PLXNA2: variants seen among roughly 807,000 people sequenced by gnomAD.
The protein encoded by PLXNA2 is plexin A2.
Under a neutral mutation model 193.5 loss-of-function variants are expected in PLXNA2, and 91 were observed. The ratio of observed to expected loss-of-function variants is 0.47; its 90% confidence interval spans 0.40 to 0.56. PLXNA2 has a LOEUF of 0.56. Ranked by LOEUF, PLXNA2 falls within the 20% of genes least tolerant of loss-of-function variation. PLXNA2 has a pLI of 0.00. For synonymous variants in PLXNA2, 997 were observed against 1,027.3 expected (o/e 0.97, Z 0.56); for missense variants, 1,995 against 2,503.2 (o/e 0.80, Z 4.33).
At chr1:208,205,439 G>A (rs1394751330) in intron 3 of PLXNA2, among the ~76,000 whole-genome samples, 1 of 152,098 alleles carries the variant, frequency 6.6e-6, no homozygotes, top group African/African-American at 2.4e-5. Flanking sequence ...GCCTTGCCCT[G>A]TCTGTGCCAA....
At position 208,096,899 on chromosome 1, in the gene PLXNA2, A is replaced by T. The variant is rs3818517; in HGVS notation, c.1732-16T>A. On this transcript the variant is annotated splice_polypyrimidine_tract_variant and intron_variant, in intron 6 of 31. Coordinates refer to ENST00000367033, the MANE Select transcript of PLXNA2 (RefSeq NM_025179.4). ...CCAGGCTAAGCTGTGGGAGGAGCAA[A>T]GAGATGATGCCAAAGAAATGCCTCA... is the stretch of plus-strand genomic sequence containing the variant. The T allele has an allele frequency of 1.3e-4, 201 of 1,607,732 alleles. No individual in the cohort carries two copies. The highest frequency in any genetic ancestry group is 1.7e-4 in the Middle Eastern group (1 of 6,018).
intron 16 of PLXNA2, 49 bp from the exon 17 acceptor site, chr1:208,051,151 G>A (rs559422653): frequency 1.3e-6 from 2 of 1,594,962 alleles, no homozygotes; most frequent in African/African-American, 1.3e-5. Flanking sequence ...CTCAAATCTG[G>A]CATGGTGAAC....
chr1:208,157,871 T>C (rs2102509045), intron 3 of PLXNA2, among the ~76,000 whole-genome samples: 2 of 152,328 alleles, frequency 1.3e-5, no homozygotes, highest in African/African-American at 4.8e-5. Context: ...ATTCTTCTCA[T>C]AGGAGAGAAG....
At chr1:208,129,632 G>C (rs550278703) in intron 4 of PLXNA2, among the ~76,000 whole-genome samples, 2 of 152,220 alleles carry the variant, frequency 1.3e-5, no homozygotes, top group South Asian at 4.2e-4. Flanking sequence ...ATTCCACTGG[G>C]TGAGCCCCTC....
rs999512157 is a variant in PLXNA2 at position 208,086,946 on chromosome 1, G to T, written c.2098-2366C>A. 7.9e-5 allele frequency among the ~76,000 whole-genome samples: 6 copies of T among 76,256 alleles called. No individual in the cohort carries two copies. In the Admixed American group the frequency reaches 8.4e-4, roughly 11 times the overall value. 50.0% of individuals were successfully genotyped at this position (76,256 alleles called of 152,430 possible). A position where few individuals can be genotyped will look rare whatever the true frequency, so the allele number is the denominator to read the frequency against. ...AGGCTGGGGTATAATGGTCTCTCTC[G>T]CACTCTCTCTCTCTCTCTCTCTCTC... On this transcript the variant is annotated intron_variant, in intron 9 of 31. Transcript: ENST00000367033.
At chr1:208,129,801 G>T (rs1159820510) in intron 4 of PLXNA2, among the ~76,000 whole-genome samples, 1 of 152,194 alleles carries the variant, frequency 6.6e-6, no homozygotes, top group East Asian at 1.9e-4. Context: ...GTGTGATAGT[G>T]CAAGGATAAG....
chr1:208,046,168 C>T (rs1665056692), intron 17 of PLXNA2, 51 bp from the exon 18 acceptor site: 1 of 1,572,702 alleles, frequency 6.4e-7, no homozygotes, highest in East Asian at 2.3e-5. Context: ...GGCACAGAGC[C>T]CAGGGGCCCA....
chr1:208,222,624 C>G (rs1418489250), intron 1 of PLXNA2, among the ~76,000 whole-genome samples: 1 of 152,134 alleles, frequency 6.6e-6, no homozygotes. Flanking sequence ...GCGTCAGTGG[C>G]AAAGCAGGGA....
At chr1:208,111,963 C>G (rs996801261) in intron 4 of PLXNA2, among the ~76,000 whole-genome samples, 1 of 152,190 alleles carries the variant, frequency 6.6e-6, no homozygotes, top group Non-Finnish European at 1.5e-5. Context: ...AAGCTGACCC[C>G]GGTGCTGTCT....
chr1:208,201,279 A>T (rs949529094), intron 3 of PLXNA2, among the ~76,000 whole-genome samples: 5 of 152,202 alleles, frequency 3.3e-5, no homozygotes, highest in African/African-American at 9.7e-5. Context: ...AAGGGGGAGA[A>T]TGGGCCTGTT....
chr1:208,061,203 T>G (rs1211968705), intron 12 of PLXNA2, among the ~76,000 whole-genome samples: 1 of 152,200 alleles, frequency 6.6e-6, no homozygotes, highest in African/African-American at 2.4e-5. Context: ...CTTTCTTAGT[T>G]GTGAAGGGGG....
At chr1:208,167,307 A>G (rs746186132) in intron 3 of PLXNA2, among the ~76,000 whole-genome samples, 1 of 152,164 alleles carries the variant, frequency 6.6e-6, no homozygotes, top group Non-Finnish European at 1.5e-5. Context: ...CCCCCCTCAC[A>G]GCAAAGTGGG....
At chr1:208,183,217 C>T (rs890028645) in intron 3 of PLXNA2, among the ~76,000 whole-genome samples, 11 of 152,186 alleles carry the variant, frequency 7.2e-5, no homozygotes, top group Admixed American at 2.0e-4. Flanking sequence ...GCAACTCAGA[C>T]AGGGGAGAAG....
intron 1 of PLXNA2, among the ~76,000 whole-genome samples, chr1:208,228,772 C>T (rs550319774): frequency 4.6e-5 from 7 of 152,288 alleles, no homozygotes; most frequent in East Asian, 1.9e-4. Context: ...GTCCCCAAAA[C>T]GCCCTGCCCT....
Position 208,112,513 on chromosome 1 carries a change from G to T in PLXNA2, c.1507-9266C>A, listed in dbSNP as rs1667512949. Among the ~76,000 whole-genome samples the T allele has an allele frequency of 2.6e-5, 4 of 152,332 alleles. No individual in the cohort carries two copies. The South Asian group carries it at 8.3e-4, about 32-fold the overall frequency. Reference sequence around the variant, plus strand: ...GTCTGTACATACTGACTTGCACACAGCTGGTGCTCAATAGTGGTAGTTACC... The same window carrying T: ...GTCTGTACATACTGACTTGCACACATCTGGTGCTCAATAGTGGTAGTTACC... On this transcript the variant is annotated intron_variant, in intron 4 of 31. Coordinates refer to ENST00000367033, the MANE Select transcript of PLXNA2 (RefSeq NM_025179.4).
chr1:208,082,621 T>A lies in PLXNA2; in HGVS notation c.2299-113A>T. 1.3e-6 allele frequency: 1 copy of A among 771,940 alleles called. No individual in the cohort carries two copies. Among genetic ancestry groups the A allele is most frequent in the Non-Finnish European group, 2.2e-6 (1 of 453,656 alleles). The allele number at this position is 771,940 out of a possible 1,614,324, so 47.8% of individuals were successfully genotyped here. A position where few individuals can be genotyped will look rare whatever the true frequency, so the allele number is the denominator to read the frequency against. ...ATTATTATGACGCTCTTTCCCTGAA[T>A]CCCAGTCACTAATGCCAAGAGAATC... On this transcript the variant is annotated intron_variant, in intron 10 of 31. Transcript: ENST00000367033. The surrounding 1 kb of genome is among the most constrained non-coding windows in gnomAD (Gnocchi z 4.2).
Position 208,182,712 on chromosome 1 carries a change from A to G in PLXNA2, c.1371+27568T>C, listed in dbSNP as rs989601525. 2.0e-4 allele frequency among the ~76,000 whole-genome samples: 31 copies of G among 151,932 alleles called. 1 individual carries two copies. The highest frequency in any genetic ancestry group is 7.2e-5 in the African/African-American group (3 of 41,404). On this transcript the variant is annotated intron_variant, in intron 3 of 31. Coordinates refer to ENST00000367033, the MANE Select transcript of PLXNA2 (RefSeq NM_025179.4). ...GCTTTCCCCTGTAGTTCTGAGCAAG[A>G]AAAGGGGTTTGAAGGGCAGCCTTTC...
chr1:208,183,575 C>G (rs961042116), intron 3 of PLXNA2, among the ~76,000 whole-genome samples: 1 of 123,812 alleles, frequency 8.1e-6, no homozygotes, highest in South Asian at 2.5e-4. Flanking sequence ...CTGCTGTAGA[C>G]GAGAAGCCAG....
rs574462582 is a variant in PLXNA2, at chr1:208,233,592, G to T, written c.-81+10051C>A. ...AGGTCAGCCACAGCTGCCTGAGAAT[G>T]CTCCCAGGTGCATGGTGTGCAAATC... On this transcript the variant is annotated intron_variant, in intron 1 of 31. Coordinates refer to ENST00000367033, the MANE Select transcript of PLXNA2 (RefSeq NM_025179.4). 3.3e-5 allele frequency among the ~76,000 whole-genome samples: 5 copies of T among 152,360 alleles called. No homozygotes were observed. The East Asian group carries it at 9.6e-4, about 29-fold the overall frequency.
Sources: allele counts gnomAD v4.1 joint callset (sites outside exome capture counted in the v4.1 genomes callset), GRCh38; gene constraint gnomAD v4.1.1; non-coding constraint Gnocchi (gnomAD v3.1); transcripts MANE v1.5; gene names NCBI Gene and HGNC (gene_info 2026-07-23, HGNC 2026-07-21).